The following KCNQ3 variants were observed in gnomAD, a reference collection of about 807,000 sequenced individuals.
The protein encoded by KCNQ3 is potassium voltage-gated channel subfamily Q member 3.
A neutral mutation model predicts 92.5 loss-of-function variants in KCNQ3; 30 were observed. The ratio of observed to expected loss-of-function variants is 0.32; its 90% CI spans 0.24 to 0.44. The LOEUF (loss-of-function observed/expected upper bound fraction) is 0.44. Among genes scored for constraint, KCNQ3 ranks in the 20% least tolerant of loss-of-function variants. The probability of loss-of-function intolerance (pLI) is 1.00; values close to 1 mark genes in which losing one functional copy is unlikely to be tolerated. For missense variants in KCNQ3, 913 were observed against 1,140.3 expected (o/e 0.80, Z 2.87); for synonymous variants, 450 against 468.8 (o/e 0.96, Z 0.52).
intron 8 of KCNQ3, 104 bp downstream of exon 8, chr8:132,170,230 C>A: frequency 1.2e-6 from 1 of 834,928 alleles, no homozygotes; most frequent in East Asian, 2.5e-5. Flanking sequence ...GGAACATTGC[C>A]CTGAAGAGTG....
chr8:132,257,916 C>T (rs970264739), intron 1 of KCNQ3, among the ~76,000 whole-genome samples: 5 of 151,920 alleles, frequency 3.3e-5, no homozygotes, highest in Non-Finnish European at 4.4e-5. Flanking sequence ...AATTGTTACA[C>T]CAAAGGGCAT....
chr8:132,199,726 A>G (rs530872467), intron 1 of KCNQ3, among the ~76,000 whole-genome samples: 1 of 152,318 alleles, frequency 6.6e-6, no homozygotes, highest in South Asian at 2.1e-4. Context: ...CCTGGCCAAC[A>G]TGTTGAAACA....
At chr8:132,220,828 T>TA (rs1563810751) in intron 1 of KCNQ3, among the ~76,000 whole-genome samples, 8 of 151,910 alleles carry the variant, frequency 5.3e-5, no homozygotes, top group South Asian at 2.1e-4. Flanking sequence ...TTATTTTTTT[T>TA]ATTATACTTT....
chr8:132,474,740 C>T (rs546486066), intron 1 of KCNQ3, among the ~76,000 whole-genome samples: 1 of 152,162 alleles, frequency 6.6e-6, no homozygotes, highest in African/African-American at 2.4e-5. Flanking sequence ...TAAGCAGCTC[C>T]CACTCTCAAG....
chr8:132,451,782 A>G (rs1821825691), intron 1 of KCNQ3, among the ~76,000 whole-genome samples: 1 of 152,174 alleles, frequency 6.6e-6, no homozygotes, highest in Non-Finnish European at 1.5e-5. Context: ...CATTTAACTG[A>G]TGAGATGAGA....
chr8:132,228,332 A>G (rs906570092), intron 1 of KCNQ3, among the ~76,000 whole-genome samples: 2 of 152,084 alleles, frequency 1.3e-5, no homozygotes, highest in Non-Finnish European at 2.9e-5. Flanking sequence ...TGAATAACTC[A>G]CTGATTCATC....
At chr8:132,409,825 G>A (rs1318618490) in intron 1 of KCNQ3, among the ~76,000 whole-genome samples, 1 of 152,182 alleles carries the variant, frequency 6.6e-6, no homozygotes, top group East Asian at 1.9e-4. Flanking sequence ...TCTAAGACTG[G>A]CCTTGCCTGA....
At chr8:132,195,881 TTAAAATGGA>T (rs1827286185) in intron 1 of KCNQ3, among the ~76,000 whole-genome samples, 2 of 152,114 alleles carry the variant, frequency 1.3e-5, no homozygotes, top group Admixed American at 1.3e-4. Flanking sequence ...ATATTAGACT[TTAAAATGGA>T]CTTCAAGACA....
intron 1 of KCNQ3, among the ~76,000 whole-genome samples, chr8:132,204,124 G>A (rs1463665410): frequency 1.3e-5 from 2 of 152,208 alleles, no homozygotes; most frequent in African/African-American, 4.8e-5. Context: ...TGGGAAAAAT[G>A]TGCATCTTAG....
chr8:132,205,477 G>A (rs1813627465), intron 1 of KCNQ3, among the ~76,000 whole-genome samples: 3 of 152,184 alleles, frequency 2.0e-5, no homozygotes, highest in South Asian at 2.1e-4. Flanking sequence ...CACTTACAGA[G>A]CACCTACTAT....
intron 1 of KCNQ3, among the ~76,000 whole-genome samples, chr8:132,446,225 A>T (rs1464996143): frequency 1.3e-5 from 2 of 152,262 alleles, no homozygotes; most frequent in African/African-American, 4.8e-5. Context: ...GGATCCACCA[A>T]CCTTAAGCTA....
intron 1 of KCNQ3, among the ~76,000 whole-genome samples, chr8:132,455,688 T>C (rs1280568108): frequency 2.6e-5 from 4 of 152,232 alleles, no homozygotes; most frequent in African/African-American, 9.6e-5. Context: ...ATGTGTTCCA[T>C]CTGCACTAAC....
At chr8:132,415,485 G>GC (rs1365517383) in intron 1 of KCNQ3, among the ~76,000 whole-genome samples, 1 of 152,166 alleles carries the variant, frequency 6.6e-6, no homozygotes, top group Non-Finnish European at 1.5e-5. Context: ...CCAGGGCCCA[G>GC]CCCCCGGCTG....
intron 1 of KCNQ3, among the ~76,000 whole-genome samples, chr8:132,236,817 A>T (rs1814831218): frequency 6.6e-6 from 1 of 152,204 alleles, no homozygotes; most frequent in African/African-American, 2.4e-5. Context: ...AAAATAAAAG[A>T]TTTGACACAA....
chr8:132,313,406 A>G (rs955421702), intron 1 of KCNQ3, among the ~76,000 whole-genome samples: 5 of 152,212 alleles, frequency 3.3e-5, no homozygotes. Context: ...CATTTATAAC[A>G]TGAATGCAAA....
chr8:132,274,836 G>A (rs1816273506), intron 1 of KCNQ3, among the ~76,000 whole-genome samples: 1 of 152,168 alleles, frequency 6.6e-6, no homozygotes, highest in Admixed American at 6.5e-5. Context: ...GGATGAGAAG[G>A]AGCCAACCTT....
intron 1 of KCNQ3, among the ~76,000 whole-genome samples, chr8:132,309,691 C>G (rs942806118): frequency 1.3e-5 from 2 of 152,134 alleles, no homozygotes; most frequent in Non-Finnish European, 2.9e-5. Context: ...ACTGCATGAC[C>G]AGGATTTCAC....
chr8:132,304,940 G>A (rs1265738329), intron 1 of KCNQ3, among the ~76,000 whole-genome samples: 1 of 152,164 alleles, frequency 6.6e-6, no homozygotes, highest in African/African-American at 2.4e-5. Flanking sequence ...CAATTAGGGA[G>A]TAACTGAAGG....
At chr8:132,447,549 G>A (rs1265981334) in intron 1 of KCNQ3, among the ~76,000 whole-genome samples, 3 of 152,186 alleles carry the variant, frequency 2.0e-5, no homozygotes, top group Non-Finnish European at 2.9e-5. Context: ...GCAGAGTAGC[G>A]GGTGAGCTGG....
Sources: gnomAD v4.1 joint callset for allele counts (sites outside exome capture counted in the v4.1 genomes callset) on GRCh38, gnomAD v4.1.1 for gene constraint, MANE v1.5 for transcripts, NCBI Gene and HGNC (gene_info 2026-07-23, HGNC 2026-07-21) for gene names.